The following DEFB132 variants were observed in gnomAD, a reference collection of about 807,000 sequenced individuals.
DEFB132 encodes the protein beta-defensin 132.
In DEFB132, 5 loss-of-function variants were observed where a neutral mutation model predicts 2.5. The observed-to-expected ratio is 2.00, with a 90% confidence interval of 1.04 to 4.20. The LOEUF is 4.20. DEFB132 is among the 30% of genes most tolerant of loss of function. The pLI is 0.00. For missense variants in DEFB132, 112 were observed against 110.0 expected, an observed-to-expected ratio of 1.02 and a Z score of -0.08; for synonymous variants, 53 against 46.2, an observed-to-expected ratio of 1.15 and a Z score of -0.60.
chr20:259,071 A>G lies in DEFB132; in HGVS notation c.59-6A>G, dbSNP rs370773917. On this transcript the variant is annotated splice_polypyrimidine_tract_variant and splice_region_variant and intron_variant, in intron 1 of 1. Coordinates refer to ENST00000382376, the MANE Select transcript of DEFB132 (RefSeq NM_207469.3). ...TGACTTCTCTGTCTTGTCCTCTCCC[A>G]TACAGCCAGTGCAGGTGGGTCAAAA... The G allele has an allele frequency of 3.7e-6, 6 of 1,614,068 alleles. No homozygotes were observed. Among genetic ancestry groups the G allele is most frequent in the South Asian group, 1.1e-5 (1 of 91,074 alleles).
At chr20:257,937 C>A in intron 1 of DEFB132, 101 bp downstream of exon 1, 1 of 1,187,870 alleles carries the variant, frequency 8.4e-7, no homozygotes, top group Non-Finnish European at 1.2e-6. Flanking sequence ...GGAGGCAGGG[C>A]TCACCCCACT....
chr20:260,441 C>A lies in DEFB132; in HGVS notation c.*1135C>A, dbSNP rs2011630954. On this transcript the variant is annotated 3_prime_UTR_variant, in exon 2 of 2. Transcript: ENST00000382376. ...TTTATAGAATAATGGAACATAATAA[C>A]ATTATTCAAAATTGCATTTATGCTA... 1 of 152,070 alleles carries A rather than the reference C, an allele frequency of 6.6e-6. No homozygotes were observed. The highest frequency in any genetic ancestry group is 2.4e-5 in the African/African-American group (1 of 41,396). 9.4% of individuals were successfully genotyped at this position (152,070 alleles called of 1,614,324 possible). A position where few individuals can be genotyped will look rare whatever the true frequency, so the allele number is the denominator to read the frequency against.
Position 259,140 on chromosome 20 carries a change from G to T in DEFB132, c.122G>T (p.Trp41Leu), listed in dbSNP as rs138201035. The T allele has an allele frequency of 1.1e-5, 17 of 1,614,042 alleles. No individual in the cohort carries two copies. The highest frequency in any genetic ancestry group is 5.5e-5 in the South Asian group (5 of 91,088). Reference sequence around the variant, plus strand: ...GGATACTGCAGGACATGTTGCCACTGGGGGGAGACAGCATTGTTCATGTGC... The same window carrying T: ...GGATACTGCAGGACATGTTGCCACTTGGGGGAGACAGCATTGTTCATGTGC... ...TPGYCRTCCH[W>L]GETALFMCNA... Residue 41 changes from tryptophan to leucine, a missense_variant, in exon 2 of 2, where the codon TGG becomes TTG. By Grantham distance (61) the Trp-to-Leu change is moderately conservative. Coordinates refer to ENST00000382376, the MANE Select transcript of DEFB132 (RefSeq NM_207469.3).
chr20:258,241 AT>A (rs1191025769), intron 1 of DEFB132, among the ~76,000 whole-genome samples: 1 of 152,164 alleles, frequency 6.6e-6, no homozygotes, highest in African/African-American at 2.4e-5. Context: ...TCCCATCCCT[AT>A]GCTCAACAGA....
chr20:257,902 T>G, intron 1 of DEFB132, 66 bp downstream of exon 1: 1 of 1,520,994 alleles, frequency 6.6e-7, no homozygotes, highest in Non-Finnish European at 9.0e-7. Flanking sequence ...CTGGTTGCTC[T>G]GGTGATAGAT....
Position 259,604 on chromosome 20 carries a change from A to G in DEFB132, c.*298A>G. 1 of 406,146 alleles carries G rather than the reference A, an allele frequency of 2.5e-6. No homozygotes were observed. The highest frequency in any genetic ancestry group is 4.6e-6 in the Non-Finnish European group (1 of 216,096). The allele number at this position is 406,146 out of a possible 1,614,324, so 25.2% of individuals were successfully genotyped here. A position where few individuals can be genotyped will look rare whatever the true frequency, so the allele number is the denominator to read the frequency against. The stretch of plus-strand genomic sequence containing the variant: ...CATGCAAAAGATTGACTGGGAGAAC[A>G]CACCTCTGATGGACAAAGGTGAGAC... On this transcript the variant is annotated 3_prime_UTR_variant, in exon 2 of 2. Transcript: ENST00000382376.
Position 259,173 on chromosome 20 carries a change from C to T in DEFB132, c.155C>T (p.Ser52Phe). The T allele has an allele frequency of 3.1e-6, 5 of 1,614,208 alleles. No homozygotes were observed. Among genetic ancestry groups the T allele is most frequent in the Non-Finnish European group, 3.4e-6 (4 of 1,180,032 alleles). ...ACAGCATTGTTCATGTGCAACGCTT[C>T]CAGAAAATGCTGCATCAGCTACTCC... ...GETALFMCNA[S>F]RKCCISYSFL... The change falls in exon 2 of 2, where the codon TCC (serine) becomes TTC (phenylalanine). Residue 52 changes from serine (S) to phenylalanine (F), a missense_variant. Ser to Phe is a radical substitution (Grantham distance 155). Transcript: ENST00000382376.
Position 259,805 on chromosome 20 carries a change from G to T in DEFB132, c.*499G>T, listed in dbSNP as rs1472079999. 9 of 174,276 alleles carry T rather than the reference G, an allele frequency of 5.2e-5. 1 individual carries two copies. The South Asian group carries it at 1.2e-3, about 23-fold the overall frequency. 10.8% of individuals were successfully genotyped at this position (174,276 alleles called of 1,614,324 possible). A position where few individuals can be genotyped will look rare whatever the true frequency, so the allele number is the denominator to read the frequency against. The stretch of plus-strand genomic sequence containing the variant: ...AGGCTTGCCCCTCAGAGGAGCTCAC[G>T]CAGGGCAGGAATAGCCAGGTTCTCA... On this transcript the variant is annotated 3_prime_UTR_variant, in exon 2 of 2. Coordinates refer to ENST00000382376, the MANE Select transcript of DEFB132 (RefSeq NM_207469.3).
In DEFB132 at chr20:259,853, G is replaced by T. The variant is rs951157258; in HGVS notation, c.*547G>T. On this transcript the variant is annotated 3_prime_UTR_variant, in exon 2 of 2. Coordinates refer to ENST00000382376, the MANE Select transcript of DEFB132 (RefSeq NM_207469.3). Reference sequence around the variant, plus strand: ...TCATATCCCAGGGGTTCAGACTTTGGCTGAGAACAGCCCCTGGAGAACATG... The same window carrying T: ...TCATATCCCAGGGGTTCAGACTTTGTCTGAGAACAGCCCCTGGAGAACATG... 3.1e-5 allele frequency: 5 copies of T among 162,194 alleles called. No individual in the cohort carries two copies. The highest frequency in any genetic ancestry group is 1.2e-4 in the African/African-American group (5 of 41,496). The allele number at this position is 162,194 out of a possible 1,614,324, so 10.0% of individuals were successfully genotyped here.
At position 259,402 on chromosome 20, in the gene DEFB132, A is replaced by G. The variant is rs73570484; in HGVS notation, c.*96A>G. The G allele has an allele frequency of 2.7e-3, 3,625 of 1,364,788 alleles. 84 individuals are homozygous for G. In the African/African-American group the frequency reaches 0.047, roughly 18 times the overall value. The allele number at this position is 1,364,788 out of a possible 1,614,324, so 84.5% of individuals were successfully genotyped here. On this transcript the variant is annotated 3_prime_UTR_variant, in exon 2 of 2. Coordinates refer to ENST00000382376, the MANE Select transcript of DEFB132 (RefSeq NM_207469.3). ...TGAGTACTAGCCAAGGCTCCTCTTT[A>G]TGGGGCAGATATCTATAGCCAACCC...
At position 259,157 on chromosome 20, in the gene DEFB132, T is replaced by C. The variant is rs141172098; in HGVS notation, c.139T>C (p.Phe47Leu). 37 of 1,614,070 alleles carry C rather than the reference T, an allele frequency of 2.3e-5. No individual in the cohort carries two copies. The Middle Eastern group carries it at 4.9e-4, about 22-fold the overall frequency. ...TCCHWGETALFMCNASRKCCI... is the reference protein window; with the variant it reads ...TCCHWGETALLMCNASRKCCI... ...TTGCCACTGGGGGGAGACAGCATTG[T>C]TCATGTGCAACGCTTCCAGAAAATG... The change falls in exon 2 of 2, where the codon TTC becomes CTC. Residue 47 changes from phenylalanine (F) to leucine (L), a missense_variant. Phe to Leu is a conservative substitution (Grantham distance 22). Transcript: ENST00000382376.
At position 259,406 on chromosome 20, in the gene DEFB132, G is replaced by A. The variant is rs1432582957; in HGVS notation, c.*100G>A. 4.5e-6 allele frequency: 6 copies of A among 1,335,336 alleles called. No individual in the cohort carries two copies. The highest frequency in any genetic ancestry group is 6.1e-6 in the Non-Finnish European group (6 of 982,510). 82.7% of individuals were successfully genotyped at this position (1,335,336 alleles called of 1,614,324 possible). On this transcript the variant is annotated 3_prime_UTR_variant, in exon 2 of 2. Coordinates refer to ENST00000382376, the MANE Select transcript of DEFB132 (RefSeq NM_207469.3). ...TACTAGCCAAGGCTCCTCTTTATGG[G>A]GCAGATATCTATAGCCAACCCCAAA...
chr20:259,003 A>T, intron 1 of DEFB132, 74 bp from the exon 2 acceptor site: 1 of 1,468,280 alleles, frequency 6.8e-7, no homozygotes. Flanking sequence ...AAACACTCCC[A>T]TCTGGCGCTG....
intron 1 of DEFB132, among the ~76,000 whole-genome samples, chr20:258,274 A>T (rs1035245408): frequency 6.6e-6 from 1 of 152,168 alleles, no homozygotes; most frequent in African/African-American, 2.4e-5. Flanking sequence ...TGGGGGATGG[A>T]AGCAGACCTC....
chr20:260,645 C>T lies in DEFB132; in HGVS notation c.*1339C>T, dbSNP rs1338451894. 1 of 152,144 alleles carries T rather than the reference C, an allele frequency of 6.6e-6. No homozygotes were observed. Among genetic ancestry groups the T allele is most frequent in the African/African-American group, 2.4e-5 (1 of 41,450 alleles). The allele number at this position is 152,144 out of a possible 1,614,324, so 9.4% of individuals were successfully genotyped here. On this transcript the variant is annotated 3_prime_UTR_variant, in exon 2 of 2. Transcript: ENST00000382376. ...TCTGAGAAGAACAAACCAAAACACT[C>T]AGGCCTAAATAATTAAAAACGGTCC... is the stretch of plus-strand genomic sequence containing the variant.
intron 1 of DEFB132, among the ~76,000 whole-genome samples, chr20:258,209 C>A (rs1040250989): frequency 6.6e-6 from 1 of 152,140 alleles, no homozygotes; most frequent in Admixed American, 6.5e-5. Context: ...AGATTTTGAG[C>A]CTAGAAGGAA....
chr20:259,855 T>C lies in DEFB132; in HGVS notation c.*549T>C. On this transcript the variant is annotated 3_prime_UTR_variant, in exon 2 of 2. Transcript: ENST00000382376. Reference sequence around the variant, plus strand: ...ATATCCCAGGGGTTCAGACTTTGGCTGAGAACAGCCCCTGGAGAACATGGG... The same window carrying C: ...ATATCCCAGGGGTTCAGACTTTGGCCGAGAACAGCCCCTGGAGAACATGGG... 6.1e-6 allele frequency: 1 copy of C among 162,612 alleles called. No homozygotes were observed. Among genetic ancestry groups the C allele is most frequent in the South Asian group, 1.7e-4 (1 of 5,968 alleles). 10.1% of individuals were successfully genotyped at this position (162,612 alleles called of 1,614,324 possible).
chr20:259,364 C>G lies in DEFB132; in HGVS notation c.*58C>G, dbSNP rs1048076391. ...AAATATCATTTCCACAGTTCCAATT[C>G]CTCCTACATTGCTGAGTACTAGCCA... On this transcript the variant is annotated 3_prime_UTR_variant, in exon 2 of 2. Coordinates refer to ENST00000382376, the MANE Select transcript of DEFB132 (RefSeq NM_207469.3). 2 of 1,566,874 alleles carry G rather than the reference C, an allele frequency of 1.3e-6. No homozygotes were observed. Among genetic ancestry groups the G allele is most frequent in the Non-Finnish European group, 1.7e-6 (2 of 1,150,938 alleles).
chr20:258,108 G>A (rs1250864649), intron 1 of DEFB132, among the ~76,000 whole-genome samples: 1 of 152,184 alleles, frequency 6.6e-6, no homozygotes, highest in African/African-American at 2.4e-5. Context: ...CTTTATGTGA[G>A]CTCCTTATAT....
Sources: gnomAD v4.1 joint callset for allele counts (sites outside exome capture counted in the v4.1 genomes callset) on GRCh38, gnomAD v4.1.1 for gene constraint, MANE v1.5 for transcripts, NCBI Gene and HGNC (gene_info 2026-07-23, HGNC 2026-07-21) for gene names.